The following UMAD1 variants were observed in gnomAD, a reference collection of about 807,000 sequenced individuals.
UMAD1 encodes UBAP1-MVB12-associated (UMA) domain containing 1.
A neutral mutation model predicts 6.1 loss-of-function variants in UMAD1; 8 were observed. The observed-to-expected ratio is 1.30, with a 90% CI of 0.76 to 2.35. The LOEUF is 2.35. UMAD1 is among the 30% of genes most tolerant of loss of function. The pLI, the probability that UMAD1 is intolerant of heterozygous loss-of-function variation, is 0.00. For synonymous variants in UMAD1, 56 were observed against 31.4 expected, an observed-to-expected ratio of 1.78 and a Z score of -2.61; for missense variants, 130 against 78.4, an observed-to-expected ratio of 1.66 and a Z score of -2.49.
intron 2 of UMAD1, among the ~76,000 whole-genome samples, chr7:7,694,619 A>G (rs889591706): frequency 1.3e-5 from 2 of 152,088 alleles, no homozygotes; most frequent in Non-Finnish European, 2.9e-5. Context: ...AGTTCCCACA[A>G]ATGAGTGAGA....
intron 1 of UMAD1, among the ~76,000 whole-genome samples, chr7:7,663,339 A>T (rs1221645542): frequency 1.6e-5 from 2 of 125,250 alleles, no homozygotes; most frequent in African/African-American, 5.8e-5. Flanking sequence ...AGAGAGGTGG[A>T]AGTAAAATTT....
At chr7:7,796,589 A>T (rs1782688143) in intron 2 of UMAD1, among the ~76,000 whole-genome samples, 1 of 152,118 alleles carries the variant, frequency 6.6e-6, no homozygotes, top group Non-Finnish European at 1.5e-5. Flanking sequence ...GTAACACCAG[A>T]TACTGACCAT....
chr7:7,751,475 T>C (rs1781676711), intron 2 of UMAD1, among the ~76,000 whole-genome samples: 1 of 152,190 alleles, frequency 6.6e-6, no homozygotes, highest in Admixed American at 6.5e-5. Context: ...TTGGCAGAAA[T>C]GAGGAATGTA....
intron 3 of UMAD1, among the ~76,000 whole-genome samples, chr7:7,842,650 T>C (rs1323606274): frequency 6.6e-6 from 1 of 152,050 alleles, no homozygotes; most frequent in Non-Finnish European, 1.5e-5. Context: ...GGTATTTCAC[T>C]AAGAAAGCTT....
At chr7:7,866,964 G>C (rs189697853) in intron 3 of UMAD1, among the ~76,000 whole-genome samples, 1 of 152,108 alleles carries the variant, frequency 6.6e-6, no homozygotes, top group Non-Finnish European at 1.5e-5. Context: ...TGAATTAGGG[G>C]AGATATTAAA....
At chr7:7,671,098 T>G (rs988033880) in intron 1 of UMAD1, among the ~76,000 whole-genome samples, 17 of 152,226 alleles carry the variant, frequency 1.1e-4, no homozygotes, top group African/African-American at 4.1e-4. Context: ...AAGGGTTGTT[T>G]TAAGCATTCA....
chr7:7,828,612 G>A lies in UMAD1; in HGVS notation c.156+26869G>A, dbSNP rs1196223542. Among the ~76,000 whole-genome samples, 3 of 152,182 alleles carry A rather than the reference G, an allele frequency of 2.0e-5. No homozygotes were observed. The East Asian group carries it at 5.8e-4, about 29-fold the overall frequency. On this transcript the variant is annotated intron_variant, in intron 3 of 3. Coordinates refer to ENST00000682710, the MANE Select transcript of UMAD1 (RefSeq NM_001302348.2). Reference sequence around the variant, plus strand: ...CATGCTAGTTTGTGCAGGGGCTAAGGGGCTGCCTGTAAAGGCTTTGATCCA... The same window carrying A: ...CATGCTAGTTTGTGCAGGGGCTAAGAGGCTGCCTGTAAAGGCTTTGATCCA...
intron 3 of UMAD1, among the ~76,000 whole-genome samples, chr7:7,813,798 T>C (rs1281787858): frequency 6.6e-6 from 1 of 152,224 alleles, no homozygotes; most frequent in African/African-American, 2.4e-5. Flanking sequence ...TTCTACCTCA[T>C]TGCCTTAGTC....
At chr7:7,661,084 C>A (rs1236778003) in intron 1 of UMAD1, among the ~76,000 whole-genome samples, 2 of 151,924 alleles carry the variant, frequency 1.3e-5, no homozygotes, top group Non-Finnish European at 2.9e-5. Context: ...CTCTGATATC[C>A]TTTCTTCCAC....
intron 2 of UMAD1, among the ~76,000 whole-genome samples, chr7:7,710,124 T>C (rs188339846): frequency 6.6e-6 from 1 of 152,340 alleles, no homozygotes; most frequent in East Asian, 1.9e-4. Context: ...TATGTATCTT[T>C]AGTTCTTTCA....
At chr7:7,663,611 T>G (rs1391786521) in intron 1 of UMAD1, among the ~76,000 whole-genome samples, 1 of 145,698 alleles carries the variant, frequency 6.9e-6, no homozygotes, top group Non-Finnish European at 1.5e-5. Flanking sequence ...ACTATGAATC[T>G]AAAATCTGTT....
intron 2 of UMAD1, among the ~76,000 whole-genome samples, chr7:7,698,075 A>G (rs1780361023): frequency 1.3e-5 from 2 of 152,314 alleles, no homozygotes; most frequent in South Asian, 4.1e-4. Flanking sequence ...CTGGCTAGAC[A>G]ATATGTTATC....
chr7:7,795,130 G>A (rs961547013), intron 2 of UMAD1, among the ~76,000 whole-genome samples: 1 of 152,192 alleles, frequency 6.6e-6, no homozygotes, highest in African/African-American at 2.4e-5. Flanking sequence ...GTCTTTGCCT[G>A]TAATTTCTTT....
intron 2 of UMAD1, among the ~76,000 whole-genome samples, chr7:7,721,066 C>G (rs1457014603): frequency 6.6e-6 from 1 of 152,102 alleles, no homozygotes; most frequent in Middle Eastern, 3.2e-3. Flanking sequence ...GATGCCACCA[C>G]AAGCCAAGGG....
chr7:7,875,262 A>G (rs1784395993), intron 3 of UMAD1, among the ~76,000 whole-genome samples: 1 of 152,230 alleles, frequency 6.6e-6, no homozygotes, highest in South Asian at 2.1e-4. Flanking sequence ...TCGACATCTA[A>G]CATAACAATT....
intron 2 of UMAD1, among the ~76,000 whole-genome samples, chr7:7,710,546 G>C (rs1447318069): frequency 1.3e-5 from 2 of 152,056 alleles, no homozygotes; most frequent in East Asian, 3.8e-4. Context: ...AAAATAAATA[G>C]TAATAACACC....
At chr7:7,824,119 G>A (rs1055421814) in intron 3 of UMAD1, among the ~76,000 whole-genome samples, 2 of 151,714 alleles carry the variant, frequency 1.3e-5, no homozygotes, top group African/African-American at 4.8e-5. Context: ...CTTGCCCTCC[G>A]CTCCACAGAA....
chr7:7,813,418 CTGG>C (rs1563226925), intron 3 of UMAD1, among the ~76,000 whole-genome samples: 1 of 152,140 alleles, frequency 6.6e-6, no homozygotes, highest in African/African-American at 2.4e-5. Flanking sequence ...ATCGGCCAGG[CTGG>C]TCTCGAACTC....
At chr7:7,778,265 TGTGTGTGTGTGA>T (rs1387528158) in intron 2 of UMAD1, among the ~76,000 whole-genome samples, 5 of 109,474 alleles carry the variant, frequency 4.6e-5, no homozygotes, top group Admixed American at 1.0e-4. Flanking sequence ...TGTGTGTGTG[TGTGTGTGTGTGA>T]GAGAGAGAGA....
Sources: gnomAD v4.1 joint callset for allele counts (sites outside exome capture counted in the v4.1 genomes callset) on GRCh38, gnomAD v4.1.1 for gene constraint, MANE v1.5 for transcripts, NCBI Gene and HGNC (gene_info 2026-07-23, HGNC 2026-07-21) for gene names.